The following PCDHGA8 variants were observed in gnomAD, a reference collection of about 807,000 sequenced individuals.
The protein encoded by PCDHGA8 is protocadherin gamma-A8.
PCDHGA8 carries 45 observed loss-of-function variants against 59.2 expected under a neutral mutation model. That is an observed-to-expected ratio of 0.76 (90% CI 0.60 to 0.98). The LOEUF is 0.98. Among genes scored for constraint, PCDHGA8 ranks in the 50% least tolerant of loss-of-function variants. The pLI, the probability that PCDHGA8 is intolerant of heterozygous loss-of-function variation, is 0.00. For missense variants in PCDHGA8, 1,257 were observed against 1,196.2 expected (o/e 1.05, Z -0.75); for synonymous variants, 531 against 519.0 (o/e 1.02, Z -0.32).
intron 1 of PCDHGA8, among the ~76,000 whole-genome samples, chr5:141,454,120 T>C (rs956675583): frequency 6.6e-5 from 10 of 152,228 alleles, no homozygotes; most frequent in African/African-American, 2.4e-4. Context: ...ATAGAAGAAA[T>C]AGCTGACCAT....
Position 141,476,290 on chromosome 5 carries a change from C to G in PCDHGA8, c.2425-18517C>G, listed in dbSNP as rs768208156. The stretch of plus-strand genomic sequence containing the variant: ...TGGTCGCGAACCTTGGTTTGGATCT[C>G]GGTAGCCTCTCAGCCCGCAGGTTCC... On this transcript the variant is annotated intron_variant, in intron 1 of 3. Coordinates refer to ENST00000398604, the MANE Select transcript of PCDHGA8 (RefSeq NM_032088.2). The surrounding 1 kb of genome is among the most constrained non-coding windows in gnomAD (Gnocchi z 7.6). 1 of 1,614,050 alleles carries G rather than the reference C, an allele frequency of 6.2e-7. No homozygotes were observed. The highest frequency in any genetic ancestry group is 1.7e-5 in the Admixed American group (1 of 60,012).
rs756216038 is a variant in PCDHGA8, at chr5:141,477,967, C to G, written c.2425-16840C>G. 1.9e-6 allele frequency: 3 copies of G among 1,614,032 alleles called. No homozygotes were observed. Among genetic ancestry groups the G allele is most frequent in the Admixed American group, 3.3e-5 (2 of 59,996 alleles). ...GTCTCTTGGGATCCCCTAACCAGAG[C>G]CTTTTTGCCATAGGGCTGCACACTG... On this transcript the variant is annotated intron_variant, in intron 1 of 3. Transcript: ENST00000398604. The surrounding 1 kb of genome is among the most constrained non-coding windows in gnomAD (Gnocchi z 4.9).
chr5:141,481,913 C>CA (rs34114744), intron 1 of PCDHGA8, among the ~76,000 whole-genome samples: 1,134 of 90,654 alleles, frequency 0.013, 16 homozygotes, highest in East Asian at 0.053. Flanking sequence ...AACTCCATCT[C>CA]AAAAAAAAAA....
In PCDHGA8 at chr5:141,432,198, AC is replaced by A. The variant is rs1345236539; in HGVS notation, c.2424+36962del. ...GTCTCTGTGACCGCCCACGACCCCG[AC>A]TGTGAAGAGAACGCCCAGATCACTT... is the stretch of plus-strand genomic sequence containing the variant. On this transcript the variant is annotated intron_variant, in intron 1 of 3. Coordinates refer to ENST00000398604, the MANE Select transcript of PCDHGA8 (RefSeq NM_032088.2). This position sits in a 1 kb window ranked among gnomAD's most constrained non-coding sequence, Gnocchi z 6.0. 6 of 1,613,998 alleles carry A rather than the reference AC, an allele frequency of 3.7e-6. No homozygotes were observed. Among genetic ancestry groups the A allele is most frequent in the Non-Finnish European group, 4.2e-6 (5 of 1,180,030 alleles).
At chr5:141,421,080 C>G in intron 1 of PCDHGA8, 1 of 638,368 alleles carries the variant, frequency 1.6e-6, no homozygotes, top group South Asian at 2.1e-5. Flanking sequence ...GATGGATACT[C>G]ACAGATCCTG....
At chr5:141,434,713 T>C (rs1377558306) in intron 1 of PCDHGA8, among the ~76,000 whole-genome samples, 1 of 152,088 alleles carries the variant, frequency 6.6e-6, no homozygotes, top group Non-Finnish European at 1.5e-5. Flanking sequence ...GGTAAATCTC[T>C]GTTCAGGGCT....
intron 2 of PCDHGA8, among the ~76,000 whole-genome samples, chr5:141,501,018 G>A (rs1337771734): frequency 2.0e-5 from 3 of 151,882 alleles, no homozygotes; most frequent in East Asian, 1.9e-4. Context: ...ACAGGCACGC[G>A]CCACCACGCC....
chr5:141,506,209 G>A (rs549403288), intron 3 of PCDHGA8, among the ~76,000 whole-genome samples: 3 of 152,284 alleles, frequency 2.0e-5, no homozygotes, highest in African/African-American at 7.2e-5. Context: ...CCAGCACTTT[G>A]GGAAGCTGAG....
At position 141,431,763 on chromosome 5, in the gene PCDHGA8, T is replaced by C; in HGVS notation, c.2424+36526T>C. On this transcript the variant is annotated intron_variant, in intron 1 of 3. Transcript: ENST00000398604. The surrounding 1 kb of genome is among the most constrained non-coding windows in gnomAD (Gnocchi z 4.8). ...TATTCTGCGCGAGCCAAAGTCCTGA[T>C]CACTGTTCTGGACGTGAACGACAAT... 1 of 1,614,230 alleles carries C rather than the reference T, an allele frequency of 6.2e-7. No individual in the cohort carries two copies. Among genetic ancestry groups the C allele is most frequent in the Non-Finnish European group, 8.5e-7 (1 of 1,180,030 alleles).
Position 141,511,201 on chromosome 5 carries a change from G to A in PCDHGA8, c.*28G>A, listed in dbSNP as rs2099883661. On this transcript the variant is annotated 3_prime_UTR_variant, in exon 4 of 4. Transcript: ENST00000398604. ...TGGAGGCCAGGCCAAGAGCCACAGG[G>A]CGGCCTCTCCCCAACCAGCCCAGCT... 2 of 1,612,600 alleles carry A rather than the reference G, an allele frequency of 1.2e-6. No homozygotes were observed. The highest frequency in any genetic ancestry group is 1.7e-6 in the Non-Finnish European group (2 of 1,179,344).
intron 1 of PCDHGA8, among the ~76,000 whole-genome samples, chr5:141,447,898 C>T (rs531933709): frequency 3.1e-3 from 465 of 152,088 alleles, no homozygotes; most frequent in Non-Finnish European, 5.5e-3. Context: ...CCAGCCTGGC[C>T]AACATGGTGA....
At position 141,511,319 on chromosome 5, in the gene PCDHGA8, C is replaced by T. The variant is rs2099883711; in HGVS notation, c.*146C>T. On this transcript the variant is annotated 3_prime_UTR_variant, in exon 4 of 4. Coordinates refer to ENST00000398604, the MANE Select transcript of PCDHGA8 (RefSeq NM_032088.2). ...CCATGCTCCCCTTGGGAAACAGAAA[C>T]AAGTGCCCAGTCAGCACCTACCCCT... 1.4e-6 allele frequency: 2 copies of T among 1,477,302 alleles called. No homozygotes were observed. The highest frequency in any genetic ancestry group is 1.4e-5 in the African/African-American group (1 of 70,920). 91.5% of individuals were successfully genotyped at this position (1,477,302 alleles called of 1,614,324 possible).
chr5:141,497,502 T>C (rs1216218103), intron 2 of PCDHGA8, among the ~76,000 whole-genome samples: 1 of 151,628 alleles, frequency 6.6e-6, no homozygotes, highest in East Asian at 1.9e-4. Flanking sequence ...CTCTCCTCTC[T>C]CTGCTTCCTT....
At position 141,511,238 on chromosome 5, in the gene PCDHGA8, G is replaced by A; in HGVS notation, c.*65G>A. ...CAACCAGCCCAGCTTCTCCTTACCT[G>A]CACCCAGGCCTCAGAGTTTCAGGGC... On this transcript the variant is annotated 3_prime_UTR_variant, in exon 4 of 4. Coordinates refer to ENST00000398604, the MANE Select transcript of PCDHGA8 (RefSeq NM_032088.2). 6.3e-7 allele frequency: 1 copy of A among 1,589,142 alleles called. No homozygotes were observed. The highest frequency in any genetic ancestry group is 2.3e-5 in the East Asian group (1 of 43,302).
Position 141,491,095 on chromosome 5 carries a change from T to C in PCDHGA8, c.2425-3712T>C, listed in dbSNP as rs1366401829. On this transcript the variant is annotated intron_variant, in intron 1 of 3. Coordinates refer to ENST00000398604, the MANE Select transcript of PCDHGA8 (RefSeq NM_032088.2). The surrounding 1 kb of genome is among the most constrained non-coding windows in gnomAD (Gnocchi z 6.9). ...GCCACAGTCCACAGCCCCAGGACTG[T>C]TCCTCGTGTCTACACACACTGGTGA... The C allele has an allele frequency of 3.7e-6, 6 of 1,614,154 alleles. No homozygotes were observed. The highest frequency in any genetic ancestry group is 4.2e-6 in the Non-Finnish European group (5 of 1,180,014).
At chr5:141,436,778 G>A (rs2097846346) in intron 1 of PCDHGA8, among the ~76,000 whole-genome samples, 1 of 152,154 alleles carries the variant, frequency 6.6e-6, no homozygotes, top group African/African-American at 2.4e-5. Flanking sequence ...ATTTGTGGAT[G>A]GAAATAAAAC....
chr5:141,486,284 C>G lies in PCDHGA8; in HGVS notation c.2425-8523C>G, dbSNP rs1259853159. ...TGCAGAACCTGGCACTGTGGTGGCA[C>G]TTATCAGTGTGCAGGATCCAGACTC... On this transcript the variant is annotated intron_variant, in intron 1 of 3. Transcript: ENST00000398604. This position sits in a 1 kb window ranked among gnomAD's most constrained non-coding sequence, Gnocchi z 5.0. The G allele has an allele frequency of 6.2e-7, 1 of 1,614,050 alleles. No homozygotes were observed. The highest frequency in any genetic ancestry group is 8.5e-7 in the Non-Finnish European group (1 of 1,179,988).
chr5:141,413,601 A>T (rs2095657842), intron 1 of PCDHGA8: 1 of 1,613,814 alleles, frequency 6.2e-7, no homozygotes, highest in African/African-American at 1.3e-5. Flanking sequence ...CAGAAAATCT[A>T]GACGTAAAAA....
In PCDHGA8 at chr5:141,473,538, T is replaced by C. The variant is rs544537855; in HGVS notation, c.2425-21269T>C. Among the ~76,000 whole-genome samples, 58 of 152,328 alleles carry C rather than the reference T, an allele frequency of 3.8e-4. 1 individual carries two copies. Among genetic ancestry groups the C allele is most frequent in the African/African-American group, 1.3e-3 (55 of 41,576 alleles). Reference sequence around the variant, plus strand: ...AAGGATCCTGGTTTTAACTGGGGCCTAATGGAAGACCTCTATTAGGAAATA... The same window carrying C: ...AAGGATCCTGGTTTTAACTGGGGCCCAATGGAAGACCTCTATTAGGAAATA... On this transcript the variant is annotated intron_variant, in intron 1 of 3. Coordinates refer to ENST00000398604, the MANE Select transcript of PCDHGA8 (RefSeq NM_032088.2).
Sources: allele counts gnomAD v4.1 joint callset (sites outside exome capture counted in the v4.1 genomes callset), GRCh38; gene constraint gnomAD v4.1.1; non-coding constraint Gnocchi (gnomAD v3.1); transcripts MANE v1.5; gene names NCBI Gene and HGNC (gene_info 2026-07-23, HGNC 2026-07-21).